ATP10B: variants seen among roughly 807,000 people sequenced by gnomAD.
ATP10B encodes the protein ATPase phospholipid transporting 10B (putative).
ATP10B carries 122 observed loss-of-function variants against 141.2 expected under a neutral mutation model. The ratio of observed to expected loss-of-function variants is 0.86; its 90% CI spans 0.75 to 1.00. ATP10B has a LOEUF of 1.00. Ranked by LOEUF, ATP10B falls within the 50% of genes least tolerant of loss-of-function variation. The probability of loss-of-function intolerance (pLI) is 0.00; values close to 1 mark genes in which losing one functional copy is unlikely to be tolerated. For synonymous variants in ATP10B, 685 were observed against 692.0 expected, an observed-to-expected ratio of 0.99 and a Z score of 0.16; for missense variants, 1,876 against 1,825.3, an observed-to-expected ratio of 1.03 and a Z score of -0.51.
At chr5:160,887,842 G>T in the ATP10B span, among the ~76,000 whole-genome samples, 1 of 152,186 alleles carries the variant, frequency 6.6e-6, no homozygotes, top group African/African-American at 2.4e-5. Flanking sequence ...CCACCTTATT[G>T]CTACCCTCTG....
chr5:160,697,914 C>A (rs540497757), intron 3 of ATP10B, among the ~76,000 whole-genome samples: 1 of 152,076 alleles, frequency 6.6e-6, no homozygotes, highest in African/African-American at 2.4e-5. Context: ...CTCATAAGAG[C>A]TTTACTCCAA....
At chr5:160,596,837 G>A (rs1394257191) in intron 22 of ATP10B, among the ~76,000 whole-genome samples, 4 of 152,122 alleles carry the variant, frequency 2.6e-5, no homozygotes, top group African/African-American at 9.7e-5. Flanking sequence ...AACTTACAAG[G>A]GACGTGAAGG....
intron 1 of ATP10B, among the ~76,000 whole-genome samples, chr5:160,802,256 G>A (rs1455622223): frequency 1.3e-5 from 2 of 152,170 alleles, no homozygotes; most frequent in African/African-American, 2.4e-5. Context: ...TAGTCAACGG[G>A]ATGGGCTAAG....
chr5:160,634,101 CCAGACA>C, intron 12 of ATP10B: 1 of 598,694 alleles, frequency 1.7e-6, no homozygotes, highest in African/African-American at 1.8e-5. Context: ...TTGTCTGGCA[CCAGACA>C]AAGATCAGCT....
rs569604231 is a variant in ATP10B at position 160,849,680 on chromosome 5, C to A, written c.-576+2261G>T. 6.2e-4 allele frequency among the ~76,000 whole-genome samples: 94 copies of A among 151,446 alleles called. No individual in the cohort carries two copies. The South Asian group carries it at 0.019, about 31-fold the overall frequency. ...AGCATTTGACAGGCGCAGTAACTTG[C>A]CAAGGTTACACAATTATAGGAAGCA... On this transcript the variant is annotated intron_variant, in intron 1 of 25. Coordinates refer to ENST00000327245, the MANE Select transcript of ATP10B (RefSeq NM_025153.3).
chr5:160,636,153 T>C, intron 11 of ATP10B, 29 bp downstream of exon 11: 2 of 1,572,618 alleles, frequency 1.3e-6, no homozygotes, highest in Non-Finnish European at 8.6e-7. Context: ...CATATCTTAT[T>C]GGGCCCCTAG....
chr5:160,819,001 G>C (rs1220237026), intron 1 of ATP10B, among the ~76,000 whole-genome samples: 1 of 152,116 alleles, frequency 6.6e-6, no homozygotes, highest in Non-Finnish European at 1.5e-5. Flanking sequence ...GCCTGTTGCT[G>C]GGGGGTGGGA....
At chr5:160,593,064 G>T (rs996432996) in intron 22 of ATP10B, among the ~76,000 whole-genome samples, 75 of 152,338 alleles carry the variant, frequency 4.9e-4, no homozygotes, top group African/African-American at 1.8e-3. Context: ...AGAGAGCAGT[G>T]GTTCTCCCAG....
chr5:160,741,161 A>G (rs1181980775), intron 2 of ATP10B, among the ~76,000 whole-genome samples: 2 of 152,230 alleles, frequency 1.3e-5, no homozygotes, highest in Non-Finnish European at 2.9e-5. Context: ...CTGTGCATAG[A>G]GTAAGCACAT....
At chr5:160,695,821 T>A (rs558518836) in intron 3 of ATP10B, among the ~76,000 whole-genome samples, 216 of 152,252 alleles carry the variant, frequency 1.4e-3, no homozygotes, top group Middle Eastern at 3.4e-3. Context: ...TTAAAAAGTT[T>A]GGCCTTCAGT....
intron 1 of ATP10B, among the ~76,000 whole-genome samples, chr5:160,812,693 A>G (rs1179129349): frequency 6.6e-6 from 1 of 151,556 alleles, no homozygotes; most frequent in Non-Finnish European, 1.5e-5. Flanking sequence ...GAATATTTGA[A>G]AATACACCAT....
the ATP10B span, among the ~76,000 whole-genome samples, chr5:160,879,654 T>C: frequency 2.0e-5 from 3 of 151,222 alleles, no homozygotes; most frequent in East Asian, 2.0e-4. Flanking sequence ...CTGGCCAACA[T>C]AGTGAAATCC....
chr5:160,778,989 G>C (rs548037156), intron 2 of ATP10B, among the ~76,000 whole-genome samples: 1 of 152,232 alleles, frequency 6.6e-6, no homozygotes, highest in South Asian at 2.1e-4. Flanking sequence ...TGGTAAAGAG[G>C]GAATGGAATG....
the ATP10B span, among the ~76,000 whole-genome samples, chr5:160,885,017 C>T: frequency 6.6e-6 from 1 of 152,308 alleles, no homozygotes; most frequent in East Asian, 1.9e-4. Context: ...ACCGTTGGAA[C>T]TGGTGGCAAG....
chr5:160,619,735 A>C (rs1232764588), intron 15 of ATP10B, among the ~76,000 whole-genome samples: 2 of 152,130 alleles, frequency 1.3e-5, no homozygotes, highest in African/African-American at 4.8e-5. Flanking sequence ...ATATGTAGGG[A>C]CTTTGGAACA....
chr5:160,871,414 GT>G, the ATP10B span, among the ~76,000 whole-genome samples: 1 of 151,960 alleles, frequency 6.6e-6, no homozygotes, highest in African/African-American at 2.4e-5. Context: ...GTGGTATTTG[GT>G]TACATAAGTT....
At chr5:160,739,293 G>A (rs1417971256) in intron 2 of ATP10B, among the ~76,000 whole-genome samples, 15 of 152,038 alleles carry the variant, frequency 9.9e-5, no homozygotes, top group Admixed American at 4.6e-4. Context: ...GTCTACTCTC[G>A]GAATTTTTAT....
chr5:160,624,549 T>C (rs889600333), intron 13 of ATP10B, among the ~76,000 whole-genome samples: 1 of 152,230 alleles, frequency 6.6e-6, no homozygotes, highest in African/African-American at 2.4e-5. Flanking sequence ...GTGTGAACCA[T>C]CCATACCATG....
intron 1 of ATP10B, among the ~76,000 whole-genome samples, chr5:160,809,348 T>C (rs1240168440): frequency 2.0e-5 from 3 of 152,182 alleles, no homozygotes; most frequent in African/African-American, 7.2e-5. Context: ...TTTTATTTCA[T>C]ATTATCCATC....
Sources: gnomAD v4.1 joint callset for allele counts (sites outside exome capture counted in the v4.1 genomes callset) on GRCh38, gnomAD v4.1.1 for gene constraint, MANE v1.5 for transcripts, NCBI Gene and HGNC (gene_info 2026-07-23, HGNC 2026-07-21) for gene names.